The following SLC4A4 variants were observed in gnomAD, a reference collection of about 807,000 sequenced individuals.
The protein encoded by SLC4A4 is solute carrier family 4 member 4.
SLC4A4 carries 27 observed loss-of-function variants against 111.5 expected under a neutral mutation model. The ratio of observed to expected loss-of-function variants is 0.24; its 90% CI spans 0.18 to 0.33. The LOEUF is 0.33. Ranked by LOEUF, SLC4A4 falls within the 10% of genes least tolerant of loss-of-function variation. The pLI is 1.00. For synonymous variants in SLC4A4, 443 were observed against 463.4 expected (o/e 0.96, Z 0.57); for missense variants, 909 against 1,315.5 (o/e 0.69, Z 4.78).
At chr4:71,450,706 C>T (rs1438261283) in intron 10 of SLC4A4, among the ~76,000 whole-genome samples, 163 bp downstream of exon 10, 4 of 152,020 alleles carry the variant, frequency 2.6e-5, no homozygotes, top group Admixed American at 1.3e-4. Flanking sequence ...CTTGGTTTCA[C>T]GTTTCCTTGG....
rs559297655 is a variant in SLC4A4, at chr4:71,418,811, G to A, written c.807+21158G>A. ...AGGTACTTTTTCCTATGTAGTCTTA[G>A]AATAAAAGGTAATATCTACTTTTGG... On this transcript the variant is annotated intron_variant, in intron 7 of 25. Coordinates refer to ENST00000264485, the MANE Select transcript of SLC4A4 (RefSeq NM_001098484.3). Among the ~76,000 whole-genome samples, 7 of 152,234 alleles carry A rather than the reference G, an allele frequency of 4.6e-5. No homozygotes were observed. The South Asian group carries it at 1.5e-3, about 32-fold the overall frequency.
intron 22 of SLC4A4, among the ~76,000 whole-genome samples, chr4:71,558,447 C>T (rs374108050): frequency 1.3e-5 from 2 of 151,962 alleles, no homozygotes; most frequent in African/African-American, 4.8e-5. Context: ...CTATCCTTGT[C>T]ATAGTATGAT....
At chr4:71,448,059 C>T (rs539786233) in intron 9 of SLC4A4, among the ~76,000 whole-genome samples, 3 of 152,234 alleles carry the variant, frequency 2.0e-5, no homozygotes, top group African/African-American at 7.2e-5. Context: ...GTGGCTCACG[C>T]CTGTAATCCC....
At chr4:71,410,360 T>C (rs1721258461) in intron 7 of SLC4A4, among the ~76,000 whole-genome samples, 1 of 152,194 alleles carries the variant, frequency 6.6e-6, no homozygotes, top group Admixed American at 6.5e-5. Context: ...CCCAAGACCA[T>C]GGGAAGCCAC....
chr4:71,161,216 C>T (rs1210924596), intron 2 of SLC4A4, among the ~76,000 whole-genome samples: 3 of 152,180 alleles, frequency 2.0e-5, no homozygotes, highest in Admixed American at 6.5e-5. Flanking sequence ...TCTCACTGTG[C>T]ATTAAGTAAA....
upstream of SLC4A4, among the ~76,000 whole-genome samples, chr4:71,184,145 G>C (rs1381762794): frequency 6.6e-6 from 1 of 152,158 alleles, no homozygotes; most frequent in African/African-American, 2.4e-5. Flanking sequence ...TAAGGACCTA[G>C]TCAGTCACAC....
chr4:71,410,002 C>T (rs1378888700), intron 7 of SLC4A4, among the ~76,000 whole-genome samples: 1 of 152,130 alleles, frequency 6.6e-6, no homozygotes, highest in African/African-American at 2.4e-5. Context: ...TGCGAGCGCA[C>T]AGAAGTCAAG....
intron 1 of SLC4A4, among the ~76,000 whole-genome samples, chr4:71,072,885 A>C (rs1429853224): frequency 6.6e-6 from 1 of 151,978 alleles, no homozygotes; most frequent in Admixed American, 6.6e-5. Flanking sequence ...CTCCCACCTC[A>C]ATCTCCTGAG....
At chr4:71,383,431 G>T (rs1718347435) in intron 6 of SLC4A4, among the ~76,000 whole-genome samples, 1 of 152,094 alleles carries the variant, frequency 6.6e-6, no homozygotes. Context: ...ACTACATTTA[G>T]GTCTCACTCC....
At chr4:71,459,825 A>G (rs1331833626) in intron 12 of SLC4A4, among the ~76,000 whole-genome samples, 1 of 152,100 alleles carries the variant, frequency 6.6e-6, no homozygotes, top group Non-Finnish European at 1.5e-5. Context: ...CCCTTGTAAA[A>G]ACAGAATTTT....
intron 1 of SLC4A4, among the ~76,000 whole-genome samples, chr4:71,091,022 C>T (rs1236693758): frequency 6.6e-6 from 1 of 152,108 alleles, no homozygotes; most frequent in Non-Finnish European, 1.5e-5. Flanking sequence ...ATCTCAGCTG[C>T]CTGTAACCTC....
At chr4:71,230,599 C>T (rs531067645) in intron 1 of SLC4A4, among the ~76,000 whole-genome samples, 49 of 152,258 alleles carry the variant, frequency 3.2e-4, no homozygotes, top group African/African-American at 9.4e-4. Flanking sequence ...GCTGCATGCA[C>T]GGAGAGAACC....
chr4:71,102,458 A>C (rs1463194914), intron 2 of SLC4A4, among the ~76,000 whole-genome samples: 4 of 151,896 alleles, frequency 2.6e-5, no homozygotes, highest in Non-Finnish European at 4.4e-5. Context: ...CAACTCCAAG[A>C]CACATAATTG....
In SLC4A4 at chr4:71,532,055, T is replaced by C; in HGVS notation, c.2167-7T>C. 2 of 1,573,394 alleles carry C rather than the reference T, an allele frequency of 1.3e-6. No homozygotes were observed. Among genetic ancestry groups the C allele is most frequent in the Non-Finnish European group, 1.7e-6 (2 of 1,143,518 alleles). ...AATGGTTCCTGGTTTCTTTTTTATT[T>C]TTCCAGGCAAGAAAACTGATCAGTG... On this transcript the variant is annotated splice_polypyrimidine_tract_variant and splice_region_variant and intron_variant, in intron 16 of 25. Transcript: ENST00000264485.
At chr4:71,544,833 T>C (rs1578156742) in intron 18 of SLC4A4, among the ~76,000 whole-genome samples, 1 of 152,074 alleles carries the variant, frequency 6.6e-6, no homozygotes, top group African/African-American at 2.4e-5. Context: ...GTATTCATTG[T>C]TGTCTCCCTC....
intron 7 of SLC4A4, among the ~76,000 whole-genome samples, chr4:71,439,458 A>AG (rs1724492749): frequency 1.4e-5 from 2 of 146,114 alleles, no homozygotes; most frequent in African/African-American, 5.0e-5. Context: ...AAAAAAAAAA[A>AG]AAAAAAAAAA....
intron 7 of SLC4A4, among the ~76,000 whole-genome samples, chr4:71,425,241 A>G (rs942534245): frequency 1.3e-5 from 2 of 152,132 alleles, no homozygotes; most frequent in Non-Finnish European, 2.9e-5. Context: ...AACAAAGGCC[A>G]AGGAACCCTT....
At chr4:71,458,359 A>G (rs145138069) in intron 12 of SLC4A4, among the ~76,000 whole-genome samples, 2 of 152,124 alleles carry the variant, frequency 1.3e-5, no homozygotes, top group Admixed American at 6.6e-5. Context: ...TGTTCCTTTT[A>G]GTGTTATGAG....
At chr4:71,396,218 A>G (rs1018419721) in intron 6 of SLC4A4, among the ~76,000 whole-genome samples, 3 of 152,228 alleles carry the variant, frequency 2.0e-5, no homozygotes, top group African/African-American at 7.2e-5. Flanking sequence ...TTCCTAGAAT[A>G]AAACACCCAA....
Sources: allele counts gnomAD v4.1 joint callset (sites outside exome capture counted in the v4.1 genomes callset), GRCh38; gene constraint gnomAD v4.1.1; transcripts MANE v1.5; gene names NCBI Gene and HGNC (gene_info 2026-07-23, HGNC 2026-07-21).